Variants in CAMKMT observed in about 807,000 individuals in gnomAD.
The protein encoded by CAMKMT is calmodulin-lysine N-methyltransferase.
A neutral mutation model predicts 48.0 loss-of-function variants in CAMKMT; 53 were observed. That is an observed-to-expected ratio of 1.10 (90% CI 0.89 to 1.39). CAMKMT has a LOEUF of 1.39. Ranked by LOEUF, CAMKMT falls within the 40% of genes most tolerant of loss-of-function variation. CAMKMT has a pLI of 0.00. For missense variants in CAMKMT, 428 were observed against 402.7 expected (o/e 1.06, Z -0.54); for synonymous variants, 165 against 152.3 (o/e 1.08, Z -0.61).
At chr2:44,743,555 T>C (rs1679793659) in intron 7 of CAMKMT, 67 bp from the exon 8 acceptor site, 1 of 1,119,972 alleles carries the variant, frequency 8.9e-7, no homozygotes, top group South Asian at 1.4e-5. Flanking sequence ...AAAATAATGT[T>C]AATAGCTCAA....
intron 3 of CAMKMT, among the ~76,000 whole-genome samples, chr2:44,573,392 G>GTT (rs199641211): frequency 1.3e-5 from 2 of 149,616 alleles, no homozygotes; most frequent in African/African-American, 4.9e-5. Context: ...TTTTCACTCT[G>GTT]TTTTTTTTTA....
At chr2:44,770,928 A>C (rs1681079924) in intron 10 of CAMKMT, among the ~76,000 whole-genome samples, 1 of 152,258 alleles carries the variant, frequency 6.6e-6, no homozygotes, top group Admixed American at 6.5e-5. Context: ...AGTAGATTGG[A>C]AAGTGGATTA....
At chr2:44,686,317 T>C (rs949366957) in intron 3 of CAMKMT, among the ~76,000 whole-genome samples, 1 of 148,808 alleles carries the variant, frequency 6.7e-6, no homozygotes, top group East Asian at 2.0e-4. Flanking sequence ...GGCGTGAACC[T>C]GGGAGGCAAA....
In CAMKMT at chr2:44,742,965, A is replaced by G. The variant is rs1469633378; in HGVS notation, c.624-657A>G. Among the ~76,000 whole-genome samples the G allele has an allele frequency of 2.0e-5, 3 of 152,364 alleles. No homozygotes were observed. The East Asian group carries it at 5.8e-4, about 29-fold the overall frequency. ...TAAAATGCTAATCATCACAGTTATT[A>G]ATTGAGAGTAACTAAAAACCTCTGG... On this transcript the variant is annotated intron_variant, in intron 7 of 10. Coordinates refer to ENST00000378494, the MANE Select transcript of CAMKMT (RefSeq NM_024766.5).
At chr2:44,426,276 G>A (rs1684271162) in intron 3 of CAMKMT, among the ~76,000 whole-genome samples, 1 of 152,158 alleles carries the variant, frequency 6.6e-6, no homozygotes, top group Non-Finnish European at 1.5e-5. Context: ...AAGAACTGGA[G>A]CAAGACAAGG....
At chr2:44,545,050 C>G (rs1667322147) in intron 3 of CAMKMT, among the ~76,000 whole-genome samples, 2 of 152,132 alleles carry the variant, frequency 1.3e-5, no homozygotes, top group Non-Finnish European at 2.9e-5. Flanking sequence ...AGAGCAGAAA[C>G]TCTTTCAAGC....
intron 3 of CAMKMT, among the ~76,000 whole-genome samples, chr2:44,454,886 C>T (rs1484736945): frequency 6.6e-6 from 1 of 152,108 alleles, no homozygotes; most frequent in Admixed American, 6.5e-5. Flanking sequence ...TATTATTTAT[C>T]TAACAGAATC....
intron 3 of CAMKMT, among the ~76,000 whole-genome samples, chr2:44,526,932 G>A (rs12463981): frequency 0.52 from 78,769 of 151,534 alleles, 21,226 homozygotes; most frequent in Non-Finnish European, 0.59. Flanking sequence ...GTATAATTTA[G>A]TGGTTTTTAG....
chr2:44,432,613 G>A (rs1684716305), intron 3 of CAMKMT, among the ~76,000 whole-genome samples: 2 of 152,184 alleles, frequency 1.3e-5, no homozygotes, highest in African/African-American at 4.8e-5. Context: ...CTCAGCAGAT[G>A]ATGATGAATT....
At chr2:44,564,760 G>A (rs1222858065) in intron 3 of CAMKMT, among the ~76,000 whole-genome samples, 3 of 151,840 alleles carry the variant, frequency 2.0e-5, no homozygotes, top group Non-Finnish European at 4.4e-5. Flanking sequence ...GGCTGGTCTT[G>A]AACTTCTGAC....
intron 3 of CAMKMT, among the ~76,000 whole-genome samples, chr2:44,423,583 G>A (rs556560451): frequency 6.6e-6 from 1 of 152,100 alleles, no homozygotes; most frequent in Non-Finnish European, 1.5e-5. Context: ...ATAATTCTGT[G>A]AGCCTAGTTA....
chr2:44,680,192 G>A (rs17032525), intron 3 of CAMKMT, among the ~76,000 whole-genome samples: 27,249 of 152,076 alleles, frequency 0.18, 2,817 homozygotes, highest in African/African-American at 0.29. Context: ...AATGATTGTG[G>A]TAGTTCCCTC....
intron 3 of CAMKMT, among the ~76,000 whole-genome samples, chr2:44,632,472 T>C (rs531943433): frequency 1.3e-5 from 2 of 152,236 alleles, no homozygotes; most frequent in Admixed American, 1.3e-4. Context: ...ACATAGATAG[T>C]AAAGTTGTGA....
intron 3 of CAMKMT, among the ~76,000 whole-genome samples, chr2:44,673,469 G>GGA (rs1311970100): frequency 6.0e-4 from 76 of 126,674 alleles, no homozygotes; most frequent in Admixed American, 1.7e-3. Context: ...AAGAAAGAGA[G>GGA]AGAGGAAGGA....
At chr2:44,728,319 G>C (rs1202110148) in intron 7 of CAMKMT, among the ~76,000 whole-genome samples, 1 of 152,134 alleles carries the variant, frequency 6.6e-6, no homozygotes, top group African/African-American at 2.4e-5. Flanking sequence ...GATTCAATTT[G>C]CTAGTATTTT....
intron 3 of CAMKMT, among the ~76,000 whole-genome samples, chr2:44,578,059 C>T (rs1472499869): frequency 2.0e-4 from 30 of 152,124 alleles, no homozygotes; most frequent in Admixed American, 1.6e-3. Context: ...AATGTGTATG[C>T]TTTTCTCTTG....
intron 3 of CAMKMT, among the ~76,000 whole-genome samples, chr2:44,527,137 A>G (rs1445517039): frequency 1.4e-5 from 2 of 146,024 alleles, no homozygotes; most frequent in Non-Finnish European, 3.0e-5. Context: ...CTGTCACCCA[A>G]GCTGGAGTGC....
intron 3 of CAMKMT, among the ~76,000 whole-genome samples, chr2:44,448,947 G>A (rs573550299): frequency 6.6e-6 from 1 of 152,288 alleles, no homozygotes; most frequent in East Asian, 1.9e-4. Context: ...CAAATCTGTA[G>A]AGACAGTAGA....
intron 10 of CAMKMT, among the ~76,000 whole-genome samples, chr2:44,769,725 T>C (rs1681024404): frequency 6.6e-6 from 1 of 152,086 alleles, no homozygotes; most frequent in African/African-American, 2.4e-5. Flanking sequence ...GCTCTGAAAA[T>C]AGGCTTGGGC....
Sources: gnomAD v4.1 joint callset for allele counts (sites outside exome capture counted in the v4.1 genomes callset) on GRCh38, gnomAD v4.1.1 for gene constraint, MANE v1.5 for transcripts, NCBI Gene and HGNC (gene_info 2026-07-23, HGNC 2026-07-21) for gene names.